Variants in NRCAM observed in about 807,000 individuals in gnomAD.
NRCAM encodes neuronal cell adhesion molecule.
Under a neutral mutation model 156.5 loss-of-function variants are expected in NRCAM, and 83 were observed. The ratio of observed to expected loss-of-function variants is 0.53; its 90% CI spans 0.44 to 0.64. The LOEUF (loss-of-function observed/expected upper bound fraction) is 0.64, where lower values mean the gene tolerates loss of function less well. Ranked by LOEUF, NRCAM falls within the 30% of genes least tolerant of loss-of-function variation. The pLI is 0.00. For synonymous variants in NRCAM, 538 were observed against 563.9 expected (o/e 0.95, Z 0.65); for missense variants, 1,417 against 1,597.3 (o/e 0.89, Z 1.92).
intron 1 of NRCAM, among the ~76,000 whole-genome samples, chr7:108,426,845 G>A (rs1364713842): frequency 6.6e-6 from 1 of 152,220 alleles, no homozygotes; most frequent in African/African-American, 2.4e-5. Flanking sequence ...ATGTTCAGAT[G>A]ATACATGCAT....
chr7:108,257,102 G>GGAAAA (rs369855344), intron 3 of NRCAM, among the ~76,000 whole-genome samples: 3,528 of 149,518 alleles, frequency 0.024, 129 homozygotes, highest in African/African-American at 0.077. Flanking sequence ...AAGGAAGGAA[G>GGAAAA]GAAAAGAAAA....
chr7:108,333,318 A>G (rs1463713253), intron 2 of NRCAM, among the ~76,000 whole-genome samples: 1 of 152,196 alleles, frequency 6.6e-6, no homozygotes, highest in Non-Finnish European at 1.5e-5. Context: ...CATTCTCTCT[A>G]GAATATCTCT....
At chr7:108,150,364 T>A (rs2040564057) in intron 32 of NRCAM, among the ~76,000 whole-genome samples, 1 of 152,176 alleles carries the variant, frequency 6.6e-6, no homozygotes, top group Non-Finnish European at 1.5e-5. Context: ...AGTGGATGGC[T>A]CCCAATAGTG....
intron 1 of NRCAM, among the ~76,000 whole-genome samples, chr7:108,439,144 G>A (rs6978552): frequency 0.25 from 37,406 of 151,924 alleles, 4,929 homozygotes; most frequent in Non-Finnish European, 0.29. Context: ...ACTCTTAAGA[G>A]AAAACATGTG....
At chr7:108,253,701 G>C (rs967107738) in intron 3 of NRCAM, among the ~76,000 whole-genome samples, 3 of 152,208 alleles carry the variant, frequency 2.0e-5, no homozygotes, top group Non-Finnish European at 4.4e-5. Context: ...AGTGAAATGT[G>C]CAGGGAATTT....
Position 108,191,728 on chromosome 7 carries a change from C to A in NRCAM, c.1903+1G>T. 3 of 1,590,896 alleles carry A rather than the reference C, an allele frequency of 1.9e-6. No homozygotes were observed. Among genetic ancestry groups the A allele is most frequent in the Non-Finnish European group, 2.6e-6 (3 of 1,165,148 alleles). On this transcript the variant is annotated splice_donor_variant, in intron 18 of 32. Coordinates refer to ENST00000379028, the MANE Select transcript of NRCAM (RefSeq NM_001037132.4). LOFTEE classifies it high-confidence loss of function. The stretch of plus-strand genomic sequence containing the variant: ...TGTGCTATTTTTGTTTTCGTTCTTA[C>A]CAACAACGCTAAGCACAGCGCTGGC...
intron 1 of NRCAM, among the ~76,000 whole-genome samples, chr7:108,400,795 A>G (rs895933265): frequency 1.3e-5 from 2 of 152,152 alleles, no homozygotes; most frequent in African/African-American, 2.4e-5. Context: ...GAATGGGGTC[A>G]GGTCTTCTAG....
intron 32 of NRCAM, among the ~76,000 whole-genome samples, chr7:108,154,974 G>C (rs2151087156): frequency 6.6e-6 from 1 of 151,994 alleles, no homozygotes. Flanking sequence ...TAATGAAATA[G>C]TAAATAACTT....
chr7:108,193,055 C>A (rs2073019629), intron 17 of NRCAM, among the ~76,000 whole-genome samples: 1 of 152,202 alleles, frequency 6.6e-6, no homozygotes, highest in Non-Finnish European at 1.5e-5. Flanking sequence ...CAGGGTCTCA[C>A]TCTGTCACCC....
chr7:108,372,575 A>T (rs1208795429), intron 2 of NRCAM, among the ~76,000 whole-genome samples: 1 of 152,052 alleles, frequency 6.6e-6, no homozygotes, highest in Non-Finnish European at 1.5e-5. Context: ...AGAAAGAGAA[A>T]TGGCCAATAG....
intron 3 of NRCAM, among the ~76,000 whole-genome samples, chr7:108,250,444 A>G (rs2096268413): frequency 6.6e-6 from 1 of 151,296 alleles, no homozygotes; most frequent in African/African-American, 2.4e-5. Flanking sequence ...AAAAAAAAAA[A>G]AAAAAAGAAA....
At chr7:108,322,553 C>A (rs991092657) in intron 2 of NRCAM, among the ~76,000 whole-genome samples, 4 of 152,048 alleles carry the variant, frequency 2.6e-5, no homozygotes, top group African/African-American at 9.7e-5. Context: ...ACTTTTTGAG[C>A]ATAAAAAGGC....
At position 108,149,291 on chromosome 7, in the gene NRCAM, G is replaced by A. The variant is rs1309050840; in HGVS notation, c.*619C>T. The stretch of plus-strand genomic sequence containing the variant: ...TTAAGAAGCCTACGGAGTAACAGGA[G>A]CCAAGAGTAGGTAATAGTTCTCAGT... On this transcript the variant is annotated 3_prime_UTR_variant, in exon 33 of 33. Coordinates refer to ENST00000379028, the MANE Select transcript of NRCAM (RefSeq NM_001037132.4). 6.6e-6 allele frequency: 1 copy of A among 152,628 alleles called. No homozygotes were observed. Among genetic ancestry groups the A allele is most frequent in the African/African-American group, 2.4e-5 (1 of 41,444 alleles). The allele number at this position is 152,628 out of a possible 1,614,324, so 9.5% of individuals were successfully genotyped here.
At chr7:108,156,462 G>A (rs1350232933) in intron 32 of NRCAM, 40 of 979,498 alleles carry the variant, frequency 4.1e-5, no homozygotes, top group Non-Finnish European at 4.7e-5. Flanking sequence ...TATAATTAAA[G>A]AAACAAACAA....
rs1231717733 is a variant in NRCAM at position 108,147,791 on chromosome 7, AT to A, written c.*2118del. 1 of 152,652 alleles carries A rather than the reference AT, an allele frequency of 6.6e-6. No individual in the cohort carries two copies. The highest frequency in any genetic ancestry group is 1.5e-5 in the Non-Finnish European group (1 of 68,044). The allele number at this position is 152,652 out of a possible 1,614,324, so 9.5% of individuals were successfully genotyped here. The stretch of plus-strand genomic sequence containing the variant: ...AAGAGAGAGGAACTTTTAAAACCAC[AT>A]TTAATTTTTAATACCAAATCTGTTG... On this transcript the variant is annotated 3_prime_UTR_variant, in exon 33 of 33. Transcript: ENST00000379028.
intron 2 of NRCAM, among the ~76,000 whole-genome samples, chr7:108,381,451 C>T (rs2099700518): frequency 6.6e-6 from 1 of 151,954 alleles, no homozygotes; most frequent in Admixed American, 6.6e-5. Flanking sequence ...AGGGCCTTCA[C>T]TGTGTATCCA....
At chr7:108,430,153 T>C (rs537023207) in intron 1 of NRCAM, among the ~76,000 whole-genome samples, 41 of 151,858 alleles carry the variant, frequency 2.7e-4, no homozygotes, top group Non-Finnish European at 5.6e-4. Context: ...ATGTTGCGGG[T>C]TTGGTTTGTT....
At chr7:108,281,395 A>C (rs1351528502) in intron 3 of NRCAM, among the ~76,000 whole-genome samples, 1 of 152,144 alleles carries the variant, frequency 6.6e-6, no homozygotes, top group Admixed American at 6.5e-5. Context: ...GGGAGATAAC[A>C]GGAGACTGTG....
intron 2 of NRCAM, among the ~76,000 whole-genome samples, chr7:108,377,154 C>CA (rs981362526): frequency 3.3e-5 from 5 of 151,308 alleles, no homozygotes; most frequent in African/African-American, 1.2e-4. Context: ...ACCCTGCCTC[C>CA]AAAAAAAATT....
Sources: allele counts gnomAD v4.1 joint callset (sites outside exome capture counted in the v4.1 genomes callset), GRCh38; gene constraint gnomAD v4.1.1; transcripts MANE v1.5; gene names NCBI Gene and HGNC (gene_info 2026-07-23, HGNC 2026-07-21).